GUCY1A2: variants seen among roughly 807,000 people sequenced by gnomAD.
GUCY1A2 encodes guanylate cyclase soluble subunit alpha-2.
In GUCY1A2, 27 loss-of-function variants were observed where a neutral mutation model predicts 63.5. That is an observed-to-expected ratio of 0.43 (90% CI 0.31 to 0.59). The LOEUF (loss-of-function observed/expected upper bound fraction) is 0.59, where lower values mean the gene tolerates loss of function less well. Ranked by LOEUF, GUCY1A2 falls within the 20% of genes least tolerant of loss-of-function variation. GUCY1A2 has a pLI of 0.11. For synonymous variants in GUCY1A2, 364 were observed against 343.5 expected (o/e 1.06, Z -0.66); for missense variants, 768 against 913.3 (o/e 0.84, Z 2.05).
chr11:106,905,025 G>A (rs1565326924), intron 4 of GUCY1A2, among the ~76,000 whole-genome samples: 2 of 152,102 alleles, frequency 1.3e-5, no homozygotes, highest in Admixed American at 6.6e-5. Context: ...TATCCTGAGT[G>A]TCAGAAAAGA....
chr11:106,888,848 C>T (rs747976337), intron 4 of GUCY1A2, among the ~76,000 whole-genome samples: 5 of 152,056 alleles, frequency 3.3e-5, no homozygotes, highest in Non-Finnish European at 7.4e-5. Context: ...CATTCTCTAC[C>T]TTAGAACAAC....
intron 1 of GUCY1A2, among the ~76,000 whole-genome samples, chr11:107,000,662 T>C (rs1463797341): frequency 6.6e-6 from 1 of 152,144 alleles, no homozygotes; most frequent in Non-Finnish European, 1.5e-5. Context: ...GATAAATACA[T>C]AGATATAAAT....
chr11:106,699,828 C>T (rs1469678037), intron 7 of GUCY1A2, among the ~76,000 whole-genome samples: 1 of 151,348 alleles, frequency 6.6e-6, no homozygotes, highest in African/African-American at 2.4e-5. Flanking sequence ...GTCGCCCAGG[C>T]TGGAGTGCAG....
chr11:106,828,691 G>C (rs568228625), intron 4 of GUCY1A2, among the ~76,000 whole-genome samples: 1 of 152,232 alleles, frequency 6.6e-6, no homozygotes, highest in East Asian at 1.9e-4. Context: ...AGGCAAACTC[G>C]CAAGAAGGCA....
intron 2 of GUCY1A2, among the ~76,000 whole-genome samples, chr11:106,980,802 T>C (rs1775457210): frequency 6.6e-6 from 1 of 152,182 alleles, no homozygotes; most frequent in South Asian, 2.1e-4. Flanking sequence ...TTAGGCAAAA[T>C]GCTTACTACA....
chr11:106,862,190 C>T (rs756556059), intron 4 of GUCY1A2, among the ~76,000 whole-genome samples: 22 of 151,970 alleles, frequency 1.4e-4, no homozygotes, highest in Non-Finnish European at 2.8e-4. Context: ...ACTATATAGG[C>T]TTTGAGGTCA....
At chr11:106,852,519 AG>A (rs907096636) in intron 4 of GUCY1A2, among the ~76,000 whole-genome samples, 24 of 152,246 alleles carry the variant, frequency 1.6e-4, no homozygotes, top group African/African-American at 5.5e-4. Flanking sequence ...TTTAACATGA[AG>A]GGATGCTGAA....
rs186162996 is a variant in GUCY1A2 at position 106,681,120 on chromosome 11, T to C, written c.*6429A>G. 223 of 211,590 alleles carry C rather than the reference T, an allele frequency of 1.1e-3. No individual in the cohort carries two copies. The highest frequency in any genetic ancestry group is 1.3e-3 in the Non-Finnish European group (136 of 104,148). The allele number at this position is 211,590 out of a possible 1,614,324, so 13.1% of individuals were successfully genotyped here. ...TCATTTCGAAATCTGAAAGCTTTAG[T>C]GTTTTTTCAGTATTACTGAATAATC... On this transcript the variant is annotated 3_prime_UTR_variant, in exon 8 of 8. Transcript: ENST00000526355.
chr11:106,783,143 A>G (rs1469844763), intron 5 of GUCY1A2, among the ~76,000 whole-genome samples: 2 of 152,198 alleles, frequency 1.3e-5, no homozygotes, highest in African/African-American at 4.8e-5. Context: ...AAAGACCTAC[A>G]TCAAAGAGAG....
intron 6 of GUCY1A2, among the ~76,000 whole-genome samples, chr11:106,770,057 A>AAATAACAATTCAAC (rs1298384500): frequency 6.6e-6 from 1 of 152,016 alleles, no homozygotes; most frequent in African/African-American, 2.4e-5. Flanking sequence ...TAACAAACAA[A>AAATAACAATTCAAC]AATAACAATT....
intron 5 of GUCY1A2, among the ~76,000 whole-genome samples, chr11:106,777,658 C>T (rs568511849): frequency 1.1e-3 from 135 of 120,526 alleles, no homozygotes; most frequent in Middle Eastern, 5.1e-3. Flanking sequence ...GGGACAGGGA[C>T]ATCACATGCT....
chr11:106,784,480 G>A (rs1864522277), intron 5 of GUCY1A2, among the ~76,000 whole-genome samples: 1 of 151,994 alleles, frequency 6.6e-6, no homozygotes, highest in South Asian at 2.1e-4. Context: ...CCCAGTTGCT[G>A]GGACCAGAAC....
Position 106,810,292 on chromosome 11 carries a change from A to T in GUCY1A2, c.1393T>A (p.Leu465Met). The part of the protein sequence containing the change: ...VGEQAKAQDG[L>M]KKRMDKLKAT... ...TTTAATTTATCCATCCTTTTCTTCA[A>T]CCCATCTTGGGCCTTTGCCTGCTCA... Residue 465 changes from leucine to methionine, a missense_variant, in exon 5 of 8, where the codon TTG becomes ATG. Around this residue, in one of 3 missense-constraint regions of GUCY1A2, gnomAD observed 122 missense variants for 238.1 expected, o/e 0.51. Transcript: ENST00000526355. 1 of 1,613,800 alleles carries T rather than the reference A, an allele frequency of 6.2e-7. No homozygotes were observed. The highest frequency in any genetic ancestry group is 8.5e-7 in the Non-Finnish European group (1 of 1,179,876).
intron 4 of GUCY1A2, among the ~76,000 whole-genome samples, chr11:106,817,116 C>T (rs1017427125): frequency 2.6e-5 from 4 of 152,052 alleles, no homozygotes; most frequent in African/African-American, 7.2e-5. Context: ...CTAAAGATTA[C>T]ATCAGCTAAG....
chr11:106,742,701 T>C (rs1266253600), intron 6 of GUCY1A2, among the ~76,000 whole-genome samples: 2 of 152,196 alleles, frequency 1.3e-5, no homozygotes, highest in African/African-American at 2.4e-5. Context: ...TGGGTACATA[T>C]CCAGTAATGG....
At chr11:106,898,985 C>G (rs1025456911) in intron 4 of GUCY1A2, among the ~76,000 whole-genome samples, 1 of 152,126 alleles carries the variant, frequency 6.6e-6, no homozygotes, top group Admixed American at 6.6e-5. Context: ...GTACCTTCCA[C>G]TCAATTTTGC....
At chr11:106,992,257 G>T (rs889456867) in intron 1 of GUCY1A2, among the ~76,000 whole-genome samples, 2 of 150,290 alleles carry the variant, frequency 1.3e-5, no homozygotes, top group Non-Finnish European at 3.0e-5. Context: ...AATTTAGAGA[G>T]ATTAGGTAAT....
At chr11:106,912,960 T>C (rs1054480077) in intron 4 of GUCY1A2, among the ~76,000 whole-genome samples, 1 of 152,156 alleles carries the variant, frequency 6.6e-6, no homozygotes, top group African/African-American at 2.4e-5. Flanking sequence ...AAATTAAATA[T>C]TTTGTATCAA....
chr11:106,805,594 G>A (rs1858672680), intron 5 of GUCY1A2, among the ~76,000 whole-genome samples: 1 of 152,100 alleles, frequency 6.6e-6, no homozygotes, highest in Non-Finnish European at 1.5e-5. Context: ...TTTAAAACCA[G>A]ATCAACTTTT....
Sources: gnomAD v4.1 joint callset for allele counts (sites outside exome capture counted in the v4.1 genomes callset) on GRCh38, gnomAD v4.1.1 for gene constraint, gnomAD v4.1.1 regional missense constraint, MANE v1.5 for transcripts, NCBI Gene and HGNC (gene_info 2026-07-23, HGNC 2026-07-21) for gene names.